LCMT1: variants seen among roughly 807,000 people sequenced by gnomAD.
LCMT1 encodes [Phosphatase 2A protein]-leucine-carboxy methyltransferase 1.
In LCMT1, 32 loss-of-function variants were observed where a neutral mutation model predicts 47.7. That is an observed-to-expected ratio of 0.67 (90% CI 0.51 to 0.90). LCMT1 has a LOEUF of 0.90. Among genes scored for constraint, LCMT1 ranks in the 40% least tolerant of loss-of-function variants. The pLI is 0.00. For synonymous variants in LCMT1, 152 were observed against 149.7 expected (o/e 1.02, Z -0.11); for missense variants, 375 against 415.2 (o/e 0.90, Z 0.84).
At chr16:25,150,886 T>G (rs1961058372) in intron 4 of LCMT1, among the ~76,000 whole-genome samples, 1 of 152,190 alleles carries the variant, frequency 6.6e-6, no homozygotes. Flanking sequence ...ATATGCTTTT[T>G]AAGTGATAAA....
chr16:25,122,344 C>T (rs1049478688), intron 1 of LCMT1, among the ~76,000 whole-genome samples: 8 of 152,136 alleles, frequency 5.3e-5, no homozygotes, highest in South Asian at 2.1e-4. Context: ...CTCACTCTGT[C>T]GCCCAGGCTG....
At chr16:25,155,503 C>T (rs1961227669) in intron 5 of LCMT1, among the ~76,000 whole-genome samples, 1 of 152,036 alleles carries the variant, frequency 6.6e-6, no homozygotes, top group Non-Finnish European at 1.5e-5. Context: ...GCTGTGATTG[C>T]ACCACAGCAC....
intron 3 of LCMT1, among the ~76,000 whole-genome samples, chr16:25,136,747 C>T (rs1256249332): frequency 2.0e-5 from 3 of 151,948 alleles, no homozygotes; most frequent in Non-Finnish European, 4.4e-5. Flanking sequence ...CCATGTTGGC[C>T]GGGCTGGTCT....
At chr16:25,148,852 T>C (rs1960968853) in intron 4 of LCMT1, 1 of 152,180 alleles carries the variant, frequency 6.6e-6, no homozygotes, top group African/African-American at 2.4e-5. Context: ...GATAATCTGT[T>C]ATGGCACCAA....
At chr16:25,170,328 C>T (rs1961718119) in intron 8 of LCMT1, among the ~76,000 whole-genome samples, 1 of 152,108 alleles carries the variant, frequency 6.6e-6, no homozygotes, top group African/African-American at 2.4e-5. Context: ...TCCTTTATTT[C>T]TCTTTGGAAG....
At chr16:25,131,225 C>T (rs2141649029) in intron 2 of LCMT1, among the ~76,000 whole-genome samples, 1 of 152,348 alleles carries the variant, frequency 6.6e-6, no homozygotes, top group East Asian at 1.9e-4. Context: ...TTTCTGAAAA[C>T]AAGGACATGC....
intron 4 of LCMT1, among the ~76,000 whole-genome samples, chr16:25,150,349 T>G (rs1451095586): frequency 7.1e-6 from 1 of 141,026 alleles, no homozygotes; most frequent in East Asian, 2.0e-4. Context: ...TTTTTTTTTT[T>G]TTTTTTTTTT....
At chr16:25,120,441 T>C (rs1959938499) in intron 1 of LCMT1, among the ~76,000 whole-genome samples, 1 of 151,182 alleles carries the variant, frequency 6.6e-6, no homozygotes. Context: ...CTTTTTTTTT[T>C]TGAGACAGAG....
chr16:25,166,646 CTTT>C (rs1157939884), intron 7 of LCMT1, among the ~76,000 whole-genome samples: 1 of 152,064 alleles, frequency 6.6e-6, no homozygotes, highest in African/African-American at 2.4e-5. Flanking sequence ...ATCTCCTTTT[CTTT>C]TTTATTTTAT....
At chr16:25,156,767 GT>G (rs1961268389) in intron 5 of LCMT1, among the ~76,000 whole-genome samples, 1 of 152,118 alleles carries the variant, frequency 6.6e-6, no homozygotes, top group South Asian at 2.1e-4. Context: ...ACTTGCCCTT[GT>G]TCTCTCTCTT....
At chr16:25,137,756 T>A (rs1960546028) in intron 3 of LCMT1, among the ~76,000 whole-genome samples, 2 of 152,160 alleles carry the variant, frequency 1.3e-5, no homozygotes, top group South Asian at 4.1e-4. Context: ...CTTTTTTGTT[T>A]TAAAAAGATA....
chr16:25,118,866 A>G (rs1052777416), intron 1 of LCMT1, among the ~76,000 whole-genome samples: 1 of 152,084 alleles, frequency 6.6e-6, no homozygotes, highest in East Asian at 1.9e-4. Flanking sequence ...GCGGGGGCAG[A>G]TGCTGCAGGT....
chr16:25,169,413 T>A, intron 8 of LCMT1, 200 bp downstream of exon 8: 1 of 483,406 alleles, frequency 2.1e-6, no homozygotes, highest in Non-Finnish European at 3.7e-6. Context: ...TCCTACACCC[T>A]ATTATTTTGA....
In LCMT1 at chr16:25,111,917, T is replaced by C; in HGVS notation, c.34T>C (p.Ser12Pro). 3.1e-6 allele frequency: 5 copies of C among 1,613,382 alleles called. No individual in the cohort carries two copies. Among genetic ancestry groups the C allele is most frequent in the Non-Finnish European group, 4.2e-6 (5 of 1,179,628 alleles). Residue 12 changes from serine to proline, a missense_variant, in exon 1 of 11, where the codon TCC becomes CCC. By Grantham distance (74) the Ser-to-Pro change is moderately conservative. Coordinates refer to ENST00000399069, the MANE Select transcript of LCMT1 (RefSeq NM_016309.3). ...ATRQRESSIT[S>P]CCSTSSCDAD... ...TAGGCAGAGGGAATCCTCTATCACC[T>C]CCTGCTGTTCCACCTCGAGCTGCGA...
chr16:25,140,080 AT>A, intron 3 of LCMT1, 90 bp from the exon 4 acceptor site: 2 of 880,332 alleles, frequency 2.3e-6, no homozygotes, highest in South Asian at 3.0e-5. Context: ...CTTAAACACT[AT>A]TGCTCTTAGG....
intron 9 of LCMT1, among the ~76,000 whole-genome samples, chr16:25,172,298 A>T: frequency 6.8e-6 from 1 of 147,754 alleles, no homozygotes; most frequent in African/African-American, 2.5e-5. Context: ...ACAAGAGCGA[A>T]ACTCTGTCTC....
At chr16:25,136,536 A>T (rs1960510753) in intron 3 of LCMT1, among the ~76,000 whole-genome samples, 1 of 151,178 alleles carries the variant, frequency 6.6e-6, no homozygotes, top group South Asian at 2.1e-4. Context: ...ATAGGTACAC[A>T]CATGCCATGG....
chr16:25,160,890 G>A (rs1961408890), intron 5 of LCMT1: 3 of 638,602 alleles, frequency 4.7e-6, no homozygotes, highest in Middle Eastern at 2.5e-4. Context: ...AATAACTTAA[G>A]CACATAGGAC....
chr16:25,134,557 T>A (rs1387568366), intron 3 of LCMT1, among the ~76,000 whole-genome samples: 2 of 152,144 alleles, frequency 1.3e-5, no homozygotes, highest in African/African-American at 2.4e-5. Context: ...TTCAGGAGGG[T>A]GACCTTCCCT....
Sources: gnomAD v4.1 joint callset for allele counts (sites outside exome capture counted in the v4.1 genomes callset) on GRCh38, gnomAD v4.1.1 for gene constraint, MANE v1.5 for transcripts, NCBI Gene and HGNC (gene_info 2026-07-23, HGNC 2026-07-21) for gene names.